ARMC3: variants seen among roughly 807,000 people sequenced by gnomAD.
ARMC3 encodes the protein armadillo repeat-containing protein 3.
A neutral mutation model predicts 90.3 loss-of-function variants in ARMC3; 74 were observed. The ratio of observed to expected loss-of-function variants is 0.82; its 90% CI spans 0.68 to 0.99. The LOEUF (loss-of-function observed/expected upper bound fraction) is 0.99. Among genes scored for constraint, ARMC3 ranks in the 50% least tolerant of loss-of-function variants. The pLI is 0.00. For missense variants in ARMC3, 958 were observed against 1,042.8 expected, an observed-to-expected ratio of 0.92 and a Z score of 1.12; for synonymous variants, 334 against 361.8, an observed-to-expected ratio of 0.92 and a Z score of 0.87.
intron 14 of ARMC3, 34 bp downstream of exon 14, chr10:23,007,015 G>A: frequency 3.4e-6 from 5 of 1,452,604 alleles, no homozygotes; most frequent in Non-Finnish European, 4.7e-6. Flanking sequence ...ATGAAGGGAA[G>A]CACATACTGC....
intron 2 of ARMC3, 45 bp from the exon 3 acceptor site, chr10:22,946,099 T>C: frequency 7.4e-7 from 1 of 1,349,574 alleles, no homozygotes; most frequent in South Asian, 1.3e-5. Context: ...AATGTGATTT[T>C]TAAAGCTCAT....
At chr10:23,006,268 G>A (rs938725252) in intron 13 of ARMC3, among the ~76,000 whole-genome samples, 1 of 152,186 alleles carries the variant, frequency 6.6e-6, no homozygotes, top group African/African-American at 2.4e-5. Flanking sequence ...CCAGGTTAAA[G>A]GCCTTTACTC....
At chr10:23,018,396 C>A (rs1026170071) in intron 16 of ARMC3, among the ~76,000 whole-genome samples, 2 of 152,140 alleles carry the variant, frequency 1.3e-5, no homozygotes, top group African/African-American at 4.8e-5. Flanking sequence ...TCATGTTTGG[C>A]CATAGATGGT....
intron 7 of ARMC3, among the ~76,000 whole-genome samples, chr10:22,965,167 C>A (rs1384179292): frequency 6.6e-6 from 1 of 151,882 alleles, no homozygotes; most frequent in African/African-American, 2.4e-5. Context: ...TCATTTTTTC[C>A]TGTAGATCCA....
At chr10:23,026,535 C>G (rs1838721965) in intron 16 of ARMC3, among the ~76,000 whole-genome samples, 1 of 151,948 alleles carries the variant, frequency 6.6e-6, no homozygotes, top group Admixed American at 6.6e-5. Flanking sequence ...TCAACATCTA[C>G]TTATGATGTT....
intron 8 of ARMC3, among the ~76,000 whole-genome samples, chr10:22,976,068 A>T (rs1043327382): frequency 6.6e-6 from 1 of 152,182 alleles, no homozygotes; most frequent in African/African-American, 2.4e-5. Context: ...AGACTTTCCC[A>T]TAATGCAGTA....
chr10:22,987,915 A>G (rs902757649), intron 10 of ARMC3, among the ~76,000 whole-genome samples: 2 of 152,238 alleles, frequency 1.3e-5, no homozygotes, highest in African/African-American at 2.4e-5. Flanking sequence ...AGCTTCTACA[A>G]TACCAGAGAC....
intron 10 of ARMC3, among the ~76,000 whole-genome samples, chr10:22,983,669 G>A (rs1236199003): frequency 1.3e-5 from 2 of 152,084 alleles, no homozygotes; most frequent in African/African-American, 4.8e-5. Flanking sequence ...GAAGATGAAT[G>A]CTTTTGAGGA....
In ARMC3 at chr10:23,008,886, G is replaced by T. The variant is rs369206725; in HGVS notation, c.2000G>T (p.Arg667Leu). The T allele has an allele frequency of 6.2e-7, 1 of 1,613,808 alleles. No individual in the cohort carries two copies. The highest frequency in any genetic ancestry group is 2.2e-5 in the East Asian group (1 of 44,868). Reference sequence around the variant, plus strand: ...GACAAATCAGAGCCAGCTTCTGGACGAAATACTGTTCTCAGCAAAAGCGCC... The same window carrying T: ...GACAAATCAGAGCCAGCTTCTGGACTAAATACTGTTCTCAGCAAAAGCGCC... ...IEDKSEPASGRNTVLSKSATK... is the reference protein window; with the variant it reads ...IEDKSEPASGLNTVLSKSATK... Residue 667 changes from arginine (R) to leucine (L), a missense_variant, in exon 16 of 19, where the codon CGA becomes CTA. Physicochemically the swap from Arg to Leu is moderately radical, Grantham distance 102. Coordinates refer to ENST00000298032, the MANE Select transcript of ARMC3 (RefSeq NM_173081.5).
intron 7 of ARMC3, among the ~76,000 whole-genome samples, chr10:22,965,006 A>T (rs1835388083): frequency 6.6e-6 from 1 of 152,166 alleles, no homozygotes; most frequent in Non-Finnish European, 1.5e-5. Flanking sequence ...AATACAATGT[A>T]ATAATTTTTT....
chr10:23,012,725 A>G (rs1838073270), intron 16 of ARMC3, among the ~76,000 whole-genome samples: 1 of 151,864 alleles, frequency 6.6e-6, no homozygotes, highest in Non-Finnish European at 1.5e-5. Context: ...TAACTCTCCT[A>G]CATCTATTTC....
intron 3 of ARMC3, 122 bp from the exon 4 acceptor site, chr10:22,955,685 C>T (rs973972441): frequency 2.4e-5 from 29 of 1,198,418 alleles, no homozygotes; most frequent in Admixed American, 1.4e-4. Flanking sequence ...GAGGGAAATA[C>T]GAACGGAAGC....
chr10:22,976,785 G>C (rs1326830965), intron 8 of ARMC3, among the ~76,000 whole-genome samples: 1 of 152,182 alleles, frequency 6.6e-6, no homozygotes, highest in Admixed American at 6.5e-5. Context: ...CCACTTTGGG[G>C]AGTGTTAAGT....
At chr10:22,940,690 T>C (rs1834292590) in intron 2 of ARMC3, among the ~76,000 whole-genome samples, 1 of 152,182 alleles carries the variant, frequency 6.6e-6, no homozygotes, top group Non-Finnish European at 1.5e-5. Context: ...CTCACTATGT[T>C]GCCCAGGCTG....
At chr10:22,954,776 T>C (rs1834863049) in intron 3 of ARMC3, among the ~76,000 whole-genome samples, 2 of 152,082 alleles carry the variant, frequency 1.3e-5, no homozygotes, top group Non-Finnish European at 2.9e-5. Context: ...ATCTTTTGCA[T>C]TGTATTAGTC....
intron 14 of ARMC3, among the ~76,000 whole-genome samples, chr10:23,007,488 C>T (rs1006577233): frequency 3.4e-4 from 51 of 152,200 alleles, no homozygotes; most frequent in African/African-American, 1.1e-3. Context: ...GGGCAGATCA[C>T]GAGGTCAAGA....
At chr10:22,992,055 A>G (rs1836734917) in intron 10 of ARMC3, among the ~76,000 whole-genome samples, 1 of 152,178 alleles carries the variant, frequency 6.6e-6, no homozygotes, top group Admixed American at 6.5e-5. Context: ...TTTTTTGCTG[A>G]TGGCAGGTAG....
At chr10:22,963,578 TA>T (rs1005303927) in intron 7 of ARMC3, among the ~76,000 whole-genome samples, 8 of 151,956 alleles carry the variant, frequency 5.3e-5, no homozygotes, top group African/African-American at 1.9e-4. Flanking sequence ...CCCAAATAAA[TA>T]AATAAATGAC....
At chr10:23,005,211 C>CAAAAAAAAAAA (rs35706584) in intron 13 of ARMC3, among the ~76,000 whole-genome samples, 1 of 60,966 alleles carries the variant, frequency 1.6e-5, no homozygotes, top group Non-Finnish European at 3.5e-5. Context: ...AGACTCGTCT[C>CAAAAAAAAAAA]AAAAAAAAAA....
Sources: allele counts gnomAD v4.1 joint callset (sites outside exome capture counted in the v4.1 genomes callset), GRCh38; gene constraint gnomAD v4.1.1; transcripts MANE v1.5; gene names NCBI Gene and HGNC (gene_info 2026-07-23, HGNC 2026-07-21).